Variants in TGIF1 observed in about 807,000 individuals in gnomAD.
TGIF1 encodes homeobox protein TGIF1.
In TGIF1, 4 loss-of-function variants were observed where a neutral mutation model predicts 19.3. The observed-to-expected ratio is 0.21, with a 90% confidence interval of 0.10 to 0.47. The LOEUF is 0.47. TGIF1 is among the 20% of genes least tolerant of loss of function. The probability of loss-of-function intolerance (pLI) is 0.98; values close to 1 mark genes in which losing one functional copy is unlikely to be tolerated. For synonymous variants in TGIF1, 122 were observed against 129.3 expected (o/e 0.94, Z 0.38); for missense variants, 275 against 341.4 (o/e 0.81, Z 1.53).
chr18:3,425,847 G>A (rs554582060), intron 2 of TGIF1, among the ~76,000 whole-genome samples: 2 of 152,240 alleles, frequency 1.3e-5, no homozygotes, highest in Admixed American at 1.3e-4. Context: ...GATTGGGCCT[G>A]TGCGGGAAGA....
upstream of TGIF1, among the ~76,000 whole-genome samples, chr18:3,445,423 T>C (rs1341368757): frequency 6.6e-6 from 1 of 151,948 alleles, no homozygotes; most frequent in Non-Finnish European, 1.5e-5. Context: ...ACTTTTTTTG[T>C]AGTTAAAAAA....
chr18:3,416,590 G>A (rs896374507), intron 1 of TGIF1, among the ~76,000 whole-genome samples: 2 of 152,018 alleles, frequency 1.3e-5, no homozygotes, highest in Admixed American at 6.6e-5. Flanking sequence ...AGTGAGTCTG[G>A]GGTGTGTTTA....
At chr18:3,412,169 C>CCCGCCGCGGTTCCGGT (rs2082279597) in exon 1 of TGIF1, 1 of 152,148 alleles carries the variant, frequency 6.6e-6, no homozygotes, top group Non-Finnish European at 1.5e-5. Context: ...GCGGTTCCGG[C>CCCGCCGCGGTTCCGGT]CCCGCCGCGA....
chr18:3,432,144 A>G (rs72869774), intron 2 of TGIF1, among the ~76,000 whole-genome samples: 86,333 of 138,310 alleles, frequency 0.62, 27,733 homozygotes, highest in East Asian at 0.92. Context: ...AAAAAAAAAA[A>G]CACTAAGAAA....
rs953476419 is a variant in TGIF1 at position 3,443,936 on chromosome 18, CTTTT to C, written c.-44-12405_-44-12402del. On this transcript the variant is annotated intron_variant, in intron 2 of 3. Transcript: ENST00000401449. ...TATACAATAAATGATTGTATTCTTT[CTTTT>C]TTTTTTTTTTTTGAGACGGAGTCTA... Among the ~76,000 whole-genome samples, 20 of 137,486 alleles carry C rather than the reference CTTTT, an allele frequency of 1.5e-4. No individual in the cohort carries two copies. The Middle Eastern group carries it at 0.011, about 78-fold the overall frequency. 90.2% of individuals were successfully genotyped at this position (137,486 alleles called of 152,430 possible). A position where few individuals can be genotyped will look rare whatever the true frequency, so the allele number is the denominator to read the frequency against.
At chr18:3,438,198 C>T (rs1221284085) in intron 2 of TGIF1, among the ~76,000 whole-genome samples, 2 of 151,956 alleles carry the variant, frequency 1.3e-5, no homozygotes, top group Non-Finnish European at 2.9e-5. Context: ...TAGTTGAAAG[C>T]GCAGTGAACC....
intron 2 of TGIF1, among the ~76,000 whole-genome samples, chr18:3,436,164 GAATATTTGTC>G (rs1447891863): frequency 1.3e-5 from 2 of 152,086 alleles, no homozygotes; most frequent in Non-Finnish European, 2.9e-5. Flanking sequence ...GAGCCCTCAG[GAATATTTGTC>G]AATATTTGTC....
chr18:3,448,242 G>T (rs2082784271), upstream of TGIF1: 3 of 985,352 alleles, frequency 3.0e-6, no homozygotes, highest in South Asian at 1.4e-4. Context: ...TCGCAGCGTC[G>T]CCCAGCCCCC....
chr18:3,422,533 A>G (rs1455169054), intron 2 of TGIF1, among the ~76,000 whole-genome samples: 3 of 151,884 alleles, frequency 2.0e-5, no homozygotes, highest in Non-Finnish European at 2.9e-5. Context: ...GCCAAAGTGT[A>G]TATCATTTAT....
At position 3,451,081 on chromosome 18, in the gene TGIF1, C is replaced by G. The variant is rs2082909802; in HGVS notation, c.16+576C>G. On this transcript the variant is annotated intron_variant, in intron 1 of 2. Transcript: ENST00000343820. This position sits in a 1 kb window ranked among gnomAD's most constrained non-coding sequence, Gnocchi z 5.4. ...CGATTCTGGACCCCCTCATCGCCCT[C>G]GGGTGTAAACAGCTTTGGAAAGCTA... Among the ~76,000 whole-genome samples the G allele has an allele frequency of 6.6e-6, 1 of 151,938 alleles. No homozygotes were observed.
intron 2 of TGIF1, among the ~76,000 whole-genome samples, chr18:3,420,005 CA>C (rs10715945): frequency 0.73 from 106,579 of 146,982 alleles, 38,472 homozygotes; most frequent in Admixed American, 0.78. Context: ...GACTCCGTCT[CA>C]AAAAAAAAAA....
intron 1 of TGIF1, chr18:3,415,024 C>T (rs1463433034): frequency 1.3e-5 from 2 of 152,818 alleles, no homozygotes; most frequent in African/African-American, 4.8e-5. Context: ...TTGCATATTC[C>T]TTGACTCAGA....
chr18:3,426,166 CT>C (rs10675936), intron 2 of TGIF1, among the ~76,000 whole-genome samples: 1,649 of 116,570 alleles, frequency 0.014, 11 homozygotes, highest in Non-Finnish European at 0.018. Context: ...GGCTAGGGTC[CT>C]TTTTTTTTTT....
chr18:3,449,394 C>T (rs1228442621), upstream of TGIF1: 6 of 985,296 alleles, frequency 6.1e-6, no homozygotes, highest in African/African-American at 5.2e-5. Flanking sequence ...CGGCCGTCCC[C>T]GGGCAGAGAC....
rs1384676730 is a variant in TGIF1, at chr18:3,451,703, C to T, written c.16+1198C>T. On this transcript the variant is annotated intron_variant, in intron 1 of 2. Transcript: ENST00000343820. The surrounding 1 kb of genome is among the most constrained non-coding windows in gnomAD (Gnocchi z 5.4). ...GGAGGCCCTGAAACGCGCGGAGCTTCCCTCTGCCTCCAGGCTTTCCCAGCG... is the reference window on the plus strand; with the variant it reads ...GGAGGCCCTGAAACGCGCGGAGCTTTCCTCTGCCTCCAGGCTTTCCCAGCG... The T allele has an allele frequency of 8.2e-7, 1 of 1,218,600 alleles. No individual in the cohort carries two copies. The highest frequency in any genetic ancestry group is 3.8e-5 in the South Asian group (1 of 25,980). 75.5% of individuals were successfully genotyped at this position (1,218,600 alleles called of 1,614,324 possible).
At chr18:3,416,998 A>G (rs112219590) in intron 1 of TGIF1, among the ~76,000 whole-genome samples, 6 of 152,212 alleles carry the variant, frequency 3.9e-5, no homozygotes, top group Non-Finnish European at 8.8e-5. Context: ...TCTTTTTAAA[A>G]AAAGAAATCT....
rs776723600 is a variant in TGIF1, at chr18:3,456,564, A to G, written c.227A>G (p.His76Arg). The G allele has an allele frequency of 1.2e-6, 2 of 1,614,250 alleles. No homozygotes were observed. The highest frequency in any genetic ancestry group is 1.7e-5 in the Admixed American group (1 of 60,034). The change falls in exon 2 of 3, where the codon CAC becomes CGC. Residue 76 changes from histidine to arginine, a missense_variant. Coordinates refer to ENST00000343820, the MANE Select transcript of TGIF1 (RefSeq NM_003244.4). This position sits in a 1 kb window ranked among gnomAD's most constrained non-coding sequence, Gnocchi z 4.2. ...AAAGCGTTGCTGTCCCAGCAAACAC[A>G]CCTGTCTACGCTACAGGTAAAGAAA... ...QEKALLSQQT[H>R]LSTLQVCNWF...
chr18:3,457,849 T>C lies in TGIF1; in HGVS notation c.728T>C (p.Leu243Pro). 1 of 1,609,986 alleles carries C rather than the reference T, an allele frequency of 6.2e-7. No individual in the cohort carries two copies. Among genetic ancestry groups the C allele is most frequent in the Non-Finnish European group, 8.5e-7 (1 of 1,179,994 alleles). ...ACTCCTCCCCCTACTCCACCGGACC[T>C]CAACCAGGACTTCAGTGGATTTCAG... ...FNTPPPTPPD[L>P]NQDFSGFQLL... The change falls in exon 3 of 3, where the codon CTC becomes CCC. Residue 243 changes from leucine (L) to proline (P), a missense_variant. By Grantham distance (98) the Leu-to-Pro change is moderately conservative (BLOSUM62 -3). Transcript: ENST00000343820. This position sits in a 1 kb window ranked among gnomAD's most constrained non-coding sequence, Gnocchi z 4.9.
intron 1 of TGIF1, chr18:3,415,414 G>A (rs953434231): frequency 2.6e-5 from 13 of 493,606 alleles, no homozygotes; most frequent in Non-Finnish European, 2.8e-5. Context: ...AGCTGGAGTA[G>A]ACAGGGTTAT....
Sources: allele counts gnomAD v4.1 joint callset (sites outside exome capture counted in the v4.1 genomes callset), GRCh38; gene constraint gnomAD v4.1.1; non-coding constraint Gnocchi (gnomAD v3.1); transcripts MANE v1.5; gene names NCBI Gene and HGNC (gene_info 2026-07-23, HGNC 2026-07-21).